DSG3: variants seen among roughly 807,000 people sequenced by gnomAD.
DSG3 encodes the protein desmoglein 3.
In DSG3, 63 loss-of-function variants were observed where a neutral mutation model predicts 85.9. The observed-to-expected ratio is 0.73, with a 90% confidence interval of 0.60 to 0.90. DSG3 has a LOEUF of 0.90. DSG3 is among the 40% of genes least tolerant of loss of function. DSG3 has a pLI of 0.00. For synonymous variants in DSG3, 447 were observed against 441.9 expected (o/e 1.01, Z -0.14); for missense variants, 1,220 against 1,219.9 (o/e 1.00, Z 0.00).
chr18:31,475,576 C>G, intron 15 of DSG3, 70 bp from the exon 16 acceptor site: 1 of 1,530,906 alleles, frequency 6.5e-7, no homozygotes, highest in Non-Finnish European at 8.7e-7. Context: ...ATGAGTTCTA[C>G]AAACAGTATT....
intron 12 of DSG3, among the ~76,000 whole-genome samples, chr18:31,469,770 A>G (rs2072844491): frequency 6.6e-6 from 1 of 152,122 alleles, no homozygotes; most frequent in Non-Finnish European, 1.5e-5. Flanking sequence ...GGGAAATACA[A>G]ATAGGGTATC....
rs749639186 is a variant in DSG3, at chr18:31,459,848, C to T, written c.521C>T (p.Ser174Leu). Residue 174 changes from serine (S) to leucine (L), a missense_variant, in exon 6 of 16, where the codon TCA becomes TTA. By Grantham distance (145) the Ser-to-Leu change is moderately radical. Transcript: ENST00000257189. ...AAACGTTTTCCTGTATTCCTAGACTCACTGGTGATGATACTAAATGCCACA... is the reference window on the plus strand; with the variant it reads ...AAACGTTTTCCTGTATTCCTAGACTTACTGGTGATGATACTAAATGCCACA... Reference protein sequence around the residue: ...GEIEENSASNSLVMILNATDA... With the variant: ...GEIEENSASNLLVMILNATDA... The T allele has an allele frequency of 8.1e-6, 13 of 1,612,450 alleles. No individual in the cohort carries two copies. In the East Asian group the frequency reaches 2.9e-4, roughly 36 times the overall value.
chr18:31,451,621 C>T (rs1465683613), intron 1 of DSG3, among the ~76,000 whole-genome samples: 2 of 152,174 alleles, frequency 1.3e-5, no homozygotes, highest in African/African-American at 4.8e-5. Flanking sequence ...CAGTTTCCAG[C>T]ACTGCTAATA....
chr18:31,460,841 C>A lies in DSG3; in HGVS notation c.693C>A (p.Ser231Arg). Residue 231 changes from serine to arginine, a missense_variant, in exon 7 of 16, where the codon AGC (serine) becomes AGA (arginine). Physicochemically the swap from Ser to Arg is moderately radical, Grantham distance 110. Coordinates refer to ENST00000257189, the MANE Select transcript of DSG3 (RefSeq NM_001944.3). ...TTTTTATCCAAAATTAGCAAGCTAG[C>A]AGCTATCGTCTGGTTGTGAGTGGTG... is the stretch of plus-strand genomic sequence containing the variant. The part of the protein sequence containing the change: ...LTNSLDREQA[S>R]SYRLVVSGAD... The A allele has an allele frequency of 1.3e-6, 2 of 1,575,720 alleles. No homozygotes were observed. Among genetic ancestry groups the A allele is most frequent in the South Asian group, 1.2e-5 (1 of 82,834 alleles).
rs971571650 is a variant in DSG3, at chr18:31,464,318, G to A, written c.1207G>A (p.Asp403Asn). The A allele has an allele frequency of 4.3e-6, 7 of 1,614,000 alleles. No homozygotes were observed. Among genetic ancestry groups the A allele is most frequent in the African/African-American group, 2.7e-5 (2 of 74,928 alleles). ...AGGCATAAGTAGCAAAAAATTGGTGGATTATATCCTGGGAACATATCAAGC... is the reference window on the plus strand; with the variant it reads ...AGGCATAAGTAGCAAAAAATTGGTGAATTATATCCTGGGAACATATCAAGC... ...QKGISSKKLV[D>N]YILGTYQAID... Residue 403 changes from aspartate (D) to asparagine (N), a missense_variant, in exon 9 of 16, where the codon GAT becomes AAT. Transcript: ENST00000257189.
chr18:31,462,699 C>G (rs1437017650), intron 8 of DSG3, among the ~76,000 whole-genome samples: 1 of 152,124 alleles, frequency 6.6e-6, no homozygotes, highest in African/African-American at 2.4e-5. Context: ...AAGTCTGACC[C>G]TCTTCTACCT....
chr18:31,474,635 A>G (rs901370012), intron 15 of DSG3, among the ~76,000 whole-genome samples: 1 of 152,190 alleles, frequency 6.6e-6, no homozygotes, highest in South Asian at 2.1e-4. Flanking sequence ...CATGCCTGCC[A>G]TCCCAGCTAC....
intron 12 of DSG3, 148 bp downstream of exon 12, chr18:31,469,497 A>G (rs1024018027): frequency 6.2e-6 from 7 of 1,137,476 alleles, no homozygotes; most frequent in South Asian, 3.2e-5. Context: ...TTTCAGAAAG[A>G]ATCTGAAATG....
In DSG3 at chr18:31,476,886, G is replaced by A. The variant is rs1162723250; in HGVS notation, c.*626G>A. 1.3e-5 allele frequency: 2 copies of A among 150,144 alleles called. No individual in the cohort carries two copies. Among genetic ancestry groups the A allele is most frequent in the African/African-American group, 2.5e-5 (1 of 40,704 alleles). 9.3% of individuals were successfully genotyped at this position (150,144 alleles called of 1,614,324 possible). A position where few individuals can be genotyped will look rare whatever the true frequency, so the allele number is the denominator to read the frequency against. ...AGGCAGGAGAATGGCATGAACCCGG[G>A]AAGCGGAGCTTGCAGTGAGCCGAGA... On this transcript the variant is annotated 3_prime_UTR_variant, in exon 16 of 16. Coordinates refer to ENST00000257189, the MANE Select transcript of DSG3 (RefSeq NM_001944.3).
chr18:31,454,673 G>GT (rs58881473), intron 1 of DSG3, among the ~76,000 whole-genome samples: 3,531 of 136,596 alleles, frequency 0.026, 76 homozygotes, highest in African/African-American at 0.066. Context: ...CCATTAGTTT[G>GT]TTTTTTTTTT....
intron 14 of DSG3, among the ~76,000 whole-genome samples, chr18:31,473,136 C>G (rs1436729253): frequency 6.6e-6 from 1 of 152,138 alleles, no homozygotes; most frequent in Admixed American, 6.5e-5. Flanking sequence ...GAAAATATAA[C>G]GAACATCTAT....
chr18:31,461,072 T>G, intron 7 of DSG3, 111 bp downstream of exon 7: 2 of 1,281,384 alleles, frequency 1.6e-6, no homozygotes, highest in East Asian at 2.6e-5. Flanking sequence ...TGCACTTATC[T>G]TTAAAGAAAT....
intron 1 of DSG3, among the ~76,000 whole-genome samples, chr18:31,453,028 T>C (rs1428842876): frequency 6.6e-6 from 1 of 152,196 alleles, no homozygotes; most frequent in African/African-American, 2.4e-5. Flanking sequence ...TATATCAACT[T>C]TGTTCAATTA....
intron 1 of DSG3, among the ~76,000 whole-genome samples, chr18:31,449,524 G>T (rs537795825): frequency 6.6e-6 from 1 of 152,094 alleles, no homozygotes; most frequent in South Asian, 2.1e-4. Flanking sequence ...TCTGATTCTG[G>T]AGTGACTGTG....
chr18:31,469,005 C>A, intron 11 of DSG3, 84 bp from the exon 12 acceptor site: 2 of 1,524,342 alleles, frequency 1.3e-6, no homozygotes, highest in Non-Finnish European at 1.8e-6. Context: ...ATTATCCAGT[C>A]TGTGATATTC....
chr18:31,463,912 A>G (rs1356439517), intron 8 of DSG3, among the ~76,000 whole-genome samples, 199 bp from the exon 9 acceptor site: 1 of 152,194 alleles, frequency 6.6e-6, no homozygotes, highest in Non-Finnish European at 1.5e-5. Flanking sequence ...TACCCTTATT[A>G]GTACCAAACT....
intron 1 of DSG3, among the ~76,000 whole-genome samples, chr18:31,452,443 C>T (rs999029596): frequency 5.1e-5 from 7 of 137,756 alleles, no homozygotes; most frequent in Admixed American, 1.7e-4. Flanking sequence ...CGCTTGAACC[C>T]GGGAGGCAGA....
intron 6 of DSG3, 25 bp downstream of exon 6, chr18:31,460,036 A>G: frequency 6.3e-7 from 1 of 1,592,732 alleles, no homozygotes; most frequent in Non-Finnish European, 8.6e-7. Flanking sequence ...TTGGGGGAAC[A>G]TTCAAGATTA....
intron 1 of DSG3, among the ~76,000 whole-genome samples, chr18:31,449,852 T>C (rs1389051168): frequency 2.0e-5 from 3 of 152,182 alleles, no homozygotes; most frequent in African/African-American, 4.8e-5. Flanking sequence ...CACATGTGGT[T>C]TTAAGCCACT....
Sources: allele counts gnomAD v4.1 joint callset (sites outside exome capture counted in the v4.1 genomes callset), GRCh38; gene constraint gnomAD v4.1.1; transcripts MANE v1.5; gene names NCBI Gene and HGNC (gene_info 2026-07-23, HGNC 2026-07-21).